The following CNOT10 variants were observed in gnomAD, a reference collection of about 807,000 sequenced individuals.
The protein encoded by CNOT10 is CCR4-NOT transcription complex, subunit 10.
In CNOT10, 30 loss-of-function variants were observed where a neutral mutation model predicts 94.6. The ratio of observed to expected loss-of-function variants is 0.32; its 90% CI spans 0.24 to 0.43. The LOEUF is 0.43. CNOT10 is among the 20% of genes least tolerant of loss of function. CNOT10 has a pLI of 1.00. For missense variants in CNOT10, 759 were observed against 877.2 expected (o/e 0.87, Z 1.70); for synonymous variants, 289 against 301.6 (o/e 0.96, Z 0.43).
At chr3:32,727,378 T>A (rs950914688) in intron 9 of CNOT10, among the ~76,000 whole-genome samples, 1 of 151,314 alleles carries the variant, frequency 6.6e-6, no homozygotes, top group Non-Finnish European at 1.5e-5. Flanking sequence ...TGCAAAGGAG[T>A]GAGAGCGGGT....
chr3:32,755,353 T>C (rs1700183729), intron 13 of CNOT10, among the ~76,000 whole-genome samples: 1 of 149,186 alleles, frequency 6.7e-6, no homozygotes, highest in African/African-American at 2.5e-5. Flanking sequence ...AGTTTCGCTC[T>C]TGTTGCCCAG....
Position 32,773,759 on chromosome 3 carries a change from A to T in CNOT10, c.*148A>T. On this transcript the variant is annotated 3_prime_UTR_variant, in exon 19 of 19. Transcript: ENST00000328834. ...CTGACATTTGGCCAAAAGCTTACTT[A>T]AAATTAAGGATTTACTAAGTCATCA... The T allele has an allele frequency of 2.8e-6, 2 of 717,210 alleles. No homozygotes were observed. The highest frequency in any genetic ancestry group is 2.1e-6 in the Non-Finnish European group (1 of 468,078). The allele number at this position is 717,210 out of a possible 1,614,324, so 44.4% of individuals were successfully genotyped here.
At chr3:32,728,122 A>G (rs1275411634) in intron 10 of CNOT10, among the ~76,000 whole-genome samples, 1 of 151,718 alleles carries the variant, frequency 6.6e-6, no homozygotes. Context: ...TCAGCCTCCC[A>G]AATAGCTGGG....
intron 14 of CNOT10, among the ~76,000 whole-genome samples, chr3:32,761,146 C>T (rs1463567565): frequency 6.6e-6 from 1 of 152,042 alleles, no homozygotes; most frequent in African/African-American, 2.4e-5. Flanking sequence ...AGTAATAAAT[C>T]ATTCAACTAT....
intron 1 of CNOT10, among the ~76,000 whole-genome samples, chr3:32,692,758 C>T (rs1012418771): frequency 1.5e-4 from 23 of 152,068 alleles, no homozygotes; most frequent in Middle Eastern, 3.2e-3. Flanking sequence ...AAGAGTAGCT[C>T]TCCTGGGCTG....
chr3:32,689,048 CA>C (rs1696745011), intron 1 of CNOT10, among the ~76,000 whole-genome samples: 1 of 151,696 alleles, frequency 6.6e-6, no homozygotes, highest in Non-Finnish European at 1.5e-5. Context: ...ACTAAAAATA[CA>C]AAAAAATTAG....
intron 1 of CNOT10, among the ~76,000 whole-genome samples, chr3:32,696,934 A>C (rs1002741153): frequency 6.7e-6 from 1 of 149,164 alleles, no homozygotes; most frequent in Non-Finnish European, 1.5e-5. Context: ...ATTTTAGGAG[A>C]CTTACATTTT....
intron 6 of CNOT10, 24 bp downstream of exon 6, chr3:32,716,335 C>T (rs774751406): frequency 1.9e-6 from 2 of 1,076,428 alleles, no homozygotes; most frequent in Admixed American, 2.0e-5. Context: ...TAAAGGGGGG[C>T]AATACATCAC....
At chr3:32,753,839 T>C (rs1215687803) in intron 13 of CNOT10, 5 of 1,541,764 alleles carry the variant, frequency 3.2e-6, no homozygotes, top group Non-Finnish European at 4.5e-6. Flanking sequence ...TACCAGCTGG[T>C]CTGATGTAGG....
intron 7 of CNOT10, among the ~76,000 whole-genome samples, chr3:32,717,724 G>T (rs755689629): frequency 1.9e-4 from 29 of 152,166 alleles, no homozygotes; most frequent in Middle Eastern, 3.4e-3. Flanking sequence ...AAATAAGCCG[G>T]GTGTGGTGGC....
rs1160307202 is a variant in CNOT10 at position 32,716,269 on chromosome 3, A to G, written c.618A>G (p.Glu206=). ...NNKDGSNHKA[E]SGALIEAAKS... is the part of the protein sequence containing the mutation. The stretch of plus-strand genomic sequence containing the variant: ...AAGATGGATCTAATCATAAAGCTGA[A>G]AGTGGAGCTCTAATAGAAGCTGCAA... Residue 206 remains glutamate (E), a synonymous_variant, in exon 6 of 19, where the codon GAA becomes GAG. Coordinates refer to ENST00000328834, the MANE Select transcript of CNOT10 (RefSeq NM_015442.3). 2 of 1,606,096 alleles carry G rather than the reference A, an allele frequency of 1.2e-6. No individual in the cohort carries two copies. The highest frequency in any genetic ancestry group is 1.7e-6 in the Non-Finnish European group (2 of 1,175,850).
rs149968042 is a variant in CNOT10 at position 32,737,438 on chromosome 3, A to T, written c.1543A>T (p.Ile515Phe). ...SSKSHDGDKF[I>F]PAPPSSPLRK... ...TAAAAGCCATGATGGAGATAAATTC[A>T]TTCCAGCTCCACCTTCTTCTCCATT... Residue 515 changes from isoleucine (I) to phenylalanine (F), a missense_variant, in exon 13 of 19, where the codon ATT (isoleucine) becomes TTT (phenylalanine). Around this residue, in one of 3 missense-constraint regions of CNOT10, gnomAD observed 682 missense variants for 799.4 expected, o/e 0.85. Transcript: ENST00000328834. 1.2e-6 allele frequency: 2 copies of T among 1,611,916 alleles called. No homozygotes were observed. The highest frequency in any genetic ancestry group is 2.7e-5 in the African/African-American group (2 of 74,890).
rs185067700 is a variant in CNOT10 at position 32,759,648 on chromosome 3, T to G, written c.1709+77T>G. 1.4e-4 allele frequency: 130 copies of G among 955,496 alleles called. No individual in the cohort carries two copies. The East Asian group carries it at 1.7e-3, about 13-fold the overall frequency. The allele number at this position is 955,496 out of a possible 1,614,324, so 59.2% of individuals were successfully genotyped here. On this transcript the variant is annotated intron_variant, in intron 14 of 18. Transcript: ENST00000328834. Reference sequence around the variant, plus strand: ...TCCTTGGTTTGTGGTTTATGTTGCTTCTTTTGACTCCTCCAGTGGAATATA... The same window carrying G: ...TCCTTGGTTTGTGGTTTATGTTGCTGCTTTTGACTCCTCCAGTGGAATATA...
chr3:32,704,808 TA>T lies in CNOT10; in HGVS notation c.118-2del. The T allele has an allele frequency of 6.4e-7, 1 of 1,564,038 alleles. No homozygotes were observed. The highest frequency in any genetic ancestry group is 8.6e-7 in the Non-Finnish European group (1 of 1,165,504). ...GTGTGTGTGTGTGGTTTTTTTTTTT[TA>T]GTCTGGAAATTATGATGCCTGTCTA... On this transcript the variant is annotated splice_acceptor_variant, in intron 2 of 18. Transcript: ENST00000328834. LOFTEE classifies it high-confidence loss of function.
chr3:32,764,949 C>T, intron 17 of CNOT10, 140 bp downstream of exon 17: 2 of 1,498,646 alleles, frequency 1.3e-6, no homozygotes, highest in Non-Finnish European at 1.8e-6. Flanking sequence ...TAAAAATATT[C>T]TTGCAAGGTA....
At position 32,687,444 on chromosome 3, in the gene CNOT10, T is replaced by TTTTTTTG. The variant is rs1553626997; in HGVS notation, c.22+1968_22+1969insGTTTTTT. Among the ~76,000 whole-genome samples the TTTTTTTG allele has an allele frequency of 1.4e-3, 99 of 69,562 alleles. 14 individuals are homozygous for TTTTTTTG. Among genetic ancestry groups the TTTTTTTG allele is most frequent in the African/African-American group, 3.6e-3 (65 of 17,842 alleles). 45.6% of individuals were successfully genotyped at this position (69,562 alleles called of 152,430 possible). ...TCTCCTTTTAAGTCCTCACGGTTTT[T>TTTTTTTG]TTTTTTTGTTTTTTTTTTTTTTTTT... On this transcript the variant is annotated intron_variant, in intron 1 of 18. Transcript: ENST00000328834.
At chr3:32,690,216 A>T (rs2125488450) in intron 1 of CNOT10, among the ~76,000 whole-genome samples, 1 of 152,320 alleles carries the variant, frequency 6.6e-6, no homozygotes, top group Non-Finnish European at 1.5e-5. Context: ...GTTTAGGTTC[A>T]TCCTAGCTGT....
chr3:32,741,134 T>G (rs183645036), intron 13 of CNOT10, among the ~76,000 whole-genome samples: 140 of 152,354 alleles, frequency 9.2e-4, no homozygotes, highest in African/African-American at 3.0e-3. Flanking sequence ...TCTATAATTT[T>G]GTCTTTCAAA....
In CNOT10 at chr3:32,721,745, C is replaced by T. The variant is rs570785912; in HGVS notation, c.862+1514C>T. On this transcript the variant is annotated intron_variant, in intron 8 of 18. Transcript: ENST00000328834. Reference sequence around the variant, plus strand: ...CACTGCAAGCTCTGCCTCCTGGGTTCGCGACATTCTCCTGCCTCAGCCTCC... The same window carrying T: ...CACTGCAAGCTCTGCCTCCTGGGTTTGCGACATTCTCCTGCCTCAGCCTCC... Among the ~76,000 whole-genome samples the T allele has an allele frequency of 2.7e-5, 4 of 149,606 alleles. No homozygotes were observed. The East Asian group carries it at 7.9e-4, about 29-fold the overall frequency.
Sources: allele counts gnomAD v4.1 joint callset (sites outside exome capture counted in the v4.1 genomes callset), GRCh38; gene constraint gnomAD v4.1.1; regional missense constraint gnomAD v4.1.1; transcripts MANE v1.5; gene names NCBI Gene and HGNC (gene_info 2026-07-23, HGNC 2026-07-21).